The following RGS6 variants were observed in gnomAD, a reference collection of about 807,000 sequenced individuals.
RGS6 encodes the protein regulator of G protein signaling 6, also known as regulator of G-protein signaling 6.
Under a neutral mutation model 78.5 loss-of-function variants are expected in RGS6, and 30 were observed. That is an observed-to-expected ratio of 0.38 (90% CI 0.29 to 0.52). The LOEUF is 0.52. Among genes scored for constraint, RGS6 ranks in the 20% least tolerant of loss-of-function variants. The pLI is 0.85. For synonymous variants in RGS6, 206 were observed against 206.0 expected (o/e 1.00, Z 0.00); for missense variants, 495 against 609.7 (o/e 0.81, Z 1.98).
chr14:72,394,155 G>T (rs537156167), intron 3 of RGS6, among the ~76,000 whole-genome samples: 106 of 152,188 alleles, frequency 7.0e-4, no homozygotes, highest in Middle Eastern at 3.4e-3. Context: ...GCGTCGGCCG[G>T]TCTGAGAAAC....
intron 2 of RGS6, among the ~76,000 whole-genome samples, chr14:72,032,997 A>G (rs2091144293): frequency 6.6e-6 from 1 of 152,152 alleles, no homozygotes; most frequent in Admixed American, 6.5e-5. Context: ...CGTCCTGATA[A>G]AACCCATCAT....
At chr14:71,956,633 G>T (rs1468457885) in intron 1 of RGS6, among the ~76,000 whole-genome samples, 2 of 152,098 alleles carry the variant, frequency 1.3e-5, no homozygotes, top group African/African-American at 2.4e-5. Context: ...CTTTATATTT[G>T]CTGGCAGCTG....
At chr14:72,049,885 G>A (rs978950295) in intron 2 of RGS6, among the ~76,000 whole-genome samples, 1 of 152,078 alleles carries the variant, frequency 6.6e-6, no homozygotes, top group Non-Finnish European at 1.5e-5. Context: ...ATTTAAGAAA[G>A]TAGGAAGGTA....
chr14:72,380,982 G>A lies in RGS6; in HGVS notation c.184+28788G>A, dbSNP rs112376250. Among the ~76,000 whole-genome samples, 1,267 of 152,142 alleles carry A rather than the reference G, an allele frequency of 8.3e-3. 6 individuals are homozygous for A. The highest frequency in any genetic ancestry group is 0.022 in the South Asian group (104 of 4,830). On this transcript the variant is annotated intron_variant, in intron 3 of 17. Transcript: ENST00000553525. ...GTATGAATATATAGGTATATGTGAC[G>A]GAATACTATTAGGCTAAGGAAAAGA...
At chr14:72,102,649 T>G (rs2095551389) in intron 2 of RGS6, among the ~76,000 whole-genome samples, 1 of 152,200 alleles carries the variant, frequency 6.6e-6, no homozygotes, top group South Asian at 2.1e-4. Flanking sequence ...GCACCTTTCC[T>G]TGGTCTAAAG....
chr14:72,266,028 A>T (rs1479356537), intron 2 of RGS6, among the ~76,000 whole-genome samples: 2 of 151,978 alleles, frequency 1.3e-5, no homozygotes, highest in Non-Finnish European at 2.9e-5. Context: ...CTATCCCCAA[A>T]TCTAACGGCT....
intron 2 of RGS6, among the ~76,000 whole-genome samples, chr14:72,181,332 G>T (rs2097170779): frequency 6.6e-6 from 1 of 152,190 alleles, no homozygotes; most frequent in Non-Finnish European, 1.5e-5. Flanking sequence ...CTGATAGTTT[G>T]ATTCAAGCTC....
chr14:72,279,754 A>G (rs1283668467), intron 2 of RGS6, among the ~76,000 whole-genome samples: 1 of 152,220 alleles, frequency 6.6e-6, no homozygotes. Flanking sequence ...AGTTAAAGAC[A>G]TGAGAATGAC....
At chr14:72,459,242 T>G (rs1052120277) in intron 5 of RGS6, among the ~76,000 whole-genome samples, 2 of 152,172 alleles carry the variant, frequency 1.3e-5, no homozygotes, top group Non-Finnish European at 2.9e-5. Flanking sequence ...GATATGGGCT[T>G]GAATCAAGGT....
At chr14:72,049,038 G>T (rs1413347789) in intron 2 of RGS6, among the ~76,000 whole-genome samples, 1 of 152,052 alleles carries the variant, frequency 6.6e-6, no homozygotes, top group African/African-American at 2.4e-5. Context: ...AAAAATTTTG[G>T]CCATAATTGA....
At chr14:72,273,421 C>A (rs2060232154) in intron 2 of RGS6, among the ~76,000 whole-genome samples, 1 of 152,012 alleles carries the variant, frequency 6.6e-6, no homozygotes, top group South Asian at 2.1e-4. Flanking sequence ...TGGAAAGTTT[C>A]CAGCTAGGCA....
intron 2 of RGS6, among the ~76,000 whole-genome samples, chr14:71,970,845 G>GT (rs1448260639): frequency 1.3e-5 from 2 of 152,118 alleles, no homozygotes; most frequent in Non-Finnish European, 2.9e-5. Context: ...GAGGGGTCAT[G>GT]TAGTCCATCC....
intron 2 of RGS6, among the ~76,000 whole-genome samples, chr14:72,247,570 AC>A (rs2054542344): frequency 6.6e-6 from 1 of 152,220 alleles, no homozygotes; most frequent in South Asian, 2.1e-4. Context: ...TTCTGGTTTC[AC>A]CCGTAAAATA....
At chr14:72,361,372 A>C (rs995595333) in intron 3 of RGS6, among the ~76,000 whole-genome samples, 5 of 152,210 alleles carry the variant, frequency 3.3e-5, no homozygotes, top group Non-Finnish European at 5.9e-5. Context: ...TGAAAACAAG[A>C]ACATGAGATG....
At chr14:72,545,342 G>A (rs924887128) in intron 17 of RGS6, among the ~76,000 whole-genome samples, 2 of 152,228 alleles carry the variant, frequency 1.3e-5, no homozygotes, top group African/African-American at 4.8e-5. Context: ...CTGCCTCTCT[G>A]GAGCAGCAAG....
At chr14:72,597,498 G>A in the RGS6 span, among the ~76,000 whole-genome samples, 64,125 of 151,960 alleles carry the variant, frequency 0.42, 14,592 homozygotes, top group East Asian at 0.75. Flanking sequence ...CTGACCTCTC[G>A]GCCATGACTG....
intron 6 of RGS6, among the ~76,000 whole-genome samples, chr14:72,462,342 A>T (rs992191745): frequency 1.3e-5 from 2 of 152,188 alleles, no homozygotes; most frequent in Non-Finnish European, 2.9e-5. Flanking sequence ...AGGCCTTGGC[A>T]GTCAAGTAGA....
intron 3 of RGS6, among the ~76,000 whole-genome samples, chr14:72,401,685 G>C (rs1306481769): frequency 1.3e-5 from 2 of 148,602 alleles, no homozygotes; most frequent in African/African-American, 4.9e-5. Context: ...TCTTACTGAA[G>C]AGCTGAAATT....
chr14:71,963,995 T>C (rs2153047064), intron 1 of RGS6, among the ~76,000 whole-genome samples: 2 of 152,288 alleles, frequency 1.3e-5, no homozygotes, highest in African/African-American at 4.8e-5. Context: ...TTGAGGATTT[T>C]GATTTCCCTG....
Sources: gnomAD v4.1 joint callset for allele counts (sites outside exome capture counted in the v4.1 genomes callset) on GRCh38, gnomAD v4.1.1 for gene constraint, MANE v1.5 for transcripts, NCBI Gene and HGNC (gene_info 2026-07-23, HGNC 2026-07-21) for gene names.